The following MYCBP2 variants were observed in gnomAD, a reference collection of about 807,000 sequenced individuals.
MYCBP2 encodes the protein MYC binding protein 2.
In MYCBP2, 120 loss-of-function variants were observed where a neutral mutation model predicts 525.3. The observed-to-expected ratio is 0.23, with a 90% confidence interval of 0.20 to 0.27. MYCBP2 has a LOEUF of 0.27. MYCBP2 is among the 10% of genes least tolerant of loss of function. The probability of loss-of-function intolerance (pLI) is 1.00; values close to 1 mark genes in which losing one functional copy is unlikely to be tolerated. For missense variants in MYCBP2, 4,149 were observed against 5,657.1 expected, an observed-to-expected ratio of 0.73 and a Z score of 8.55; for synonymous variants, 1,894 against 1,955.8, an observed-to-expected ratio of 0.97 and a Z score of 0.83.
At chr13:77,115,547 GC>G (rs2049590988) in intron 55 of MYCBP2, among the ~76,000 whole-genome samples, 1 of 151,302 alleles carries the variant, frequency 6.6e-6, no homozygotes, top group African/African-American at 2.4e-5. Flanking sequence ...AAATAATTTT[GC>G]TAATTTAAAA....
intron 78 of MYCBP2, among the ~76,000 whole-genome samples, chr13:77,057,541 G>C (rs939134468): frequency 1.6e-4 from 25 of 152,246 alleles, no homozygotes; most frequent in African/African-American, 4.8e-4. Flanking sequence ...ATAGAAGTAT[G>C]TATCATTATG....
At chr13:77,158,986 G>C (rs182629212) in intron 44 of MYCBP2, among the ~76,000 whole-genome samples, 36 of 152,308 alleles carry the variant, frequency 2.4e-4, no homozygotes, top group Admixed American at 1.9e-3. Flanking sequence ...GGAGAGACTT[G>C]TTTTAAATGC....
intron 46 of MYCBP2, 40 bp downstream of exon 46, chr13:77,156,018 A>G (rs778939762): frequency 1.6e-5 from 25 of 1,562,784 alleles, no homozygotes; most frequent in Non-Finnish European, 2.1e-5. Context: ...CATTGCAGCC[A>G]GTATATAGAT....
At chr13:77,220,331 A>G (rs1268480935) in intron 20 of MYCBP2, among the ~76,000 whole-genome samples, 1 of 152,110 alleles carries the variant, frequency 6.6e-6, no homozygotes, top group African/African-American at 2.4e-5. Context: ...CAGAAGAAGA[A>G]AGTATCATCA....
Position 77,165,535 on chromosome 13 carries a change from C to T in MYCBP2, c.6341-144G>A, listed in dbSNP as rs1018328179. 6 of 593,732 alleles carry T rather than the reference C, an allele frequency of 1.0e-5. No individual in the cohort carries two copies. The Middle Eastern group carries it at 1.4e-3, about 134-fold the overall frequency. 36.8% of individuals were successfully genotyped at this position (593,732 alleles called of 1,614,324 possible). ...CTACATAACTTAAATAGACTTGCGGCGGGGAGCGTTCCTATATCTACTTGA... is the reference window on the plus strand; with the variant it reads ...CTACATAACTTAAATAGACTTGCGGTGGGGAGCGTTCCTATATCTACTTGA... On this transcript the variant is annotated intron_variant, in intron 41 of 82. Coordinates refer to ENST00000544440, the MANE Select transcript of MYCBP2 (RefSeq NM_015057.5).
chr13:77,209,372 T>G (rs541729244), intron 23 of MYCBP2, among the ~76,000 whole-genome samples: 2 of 152,338 alleles, frequency 1.3e-5, no homozygotes, highest in East Asian at 3.9e-4. Flanking sequence ...CACTGCCAAT[T>G]TTTATTTTTG....
chr13:77,135,029 A>G (rs975919472), intron 52 of MYCBP2, among the ~76,000 whole-genome samples: 3 of 152,186 alleles, frequency 2.0e-5, no homozygotes, highest in Non-Finnish European at 4.4e-5. Flanking sequence ...CAAACTTCCA[A>G]TCTCTGCCCC....
chr13:77,292,911 C>T lies in MYCBP2; in HGVS notation c.378+3688G>A, dbSNP rs139973023. ...GGTAGAAGCTGCAGTGAGCTGAGAT[C>T]GCACACCACTGCACTCCAGCCTGGG... On this transcript the variant is annotated intron_variant, in intron 2 of 82. Coordinates refer to ENST00000544440, the MANE Select transcript of MYCBP2 (RefSeq NM_015057.5). Among the ~76,000 whole-genome samples, 165 of 145,766 alleles carry T rather than the reference C, an allele frequency of 1.1e-3. 1 individual carries two copies. The highest frequency in any genetic ancestry group is 3.7e-3 in the African/African-American group (146 of 39,400).
At chr13:77,290,423 A>C (rs1416385718) in intron 2 of MYCBP2, among the ~76,000 whole-genome samples, 1 of 152,254 alleles carries the variant, frequency 6.6e-6, no homozygotes, top group East Asian at 1.9e-4. Flanking sequence ...AATGTTCGTA[A>C]TAGCATTCTT....
intron 46 of MYCBP2, among the ~76,000 whole-genome samples, chr13:77,155,220 A>G (rs956759940): frequency 2.0e-5 from 3 of 152,120 alleles, no homozygotes; most frequent in South Asian, 2.1e-4. Flanking sequence ...AAGATGCTAC[A>G]TTGGCATTGT....
At chr13:77,166,622 G>T in intron 40 of MYCBP2, 68 bp from the exon 41 acceptor site, 2 of 1,014,862 alleles carry the variant, frequency 2.0e-6, no homozygotes, top group Non-Finnish European at 2.9e-6. Context: ...ATCTGCATCT[G>T]TATGTGTGTG....
chr13:77,093,852 A>C (rs1386573499), intron 58 of MYCBP2, among the ~76,000 whole-genome samples: 1 of 152,154 alleles, frequency 6.6e-6, no homozygotes, highest in African/African-American at 2.4e-5. Context: ...AGATATATGA[A>C]ATTTTCTGTG....
chr13:77,091,012 C>T (rs1054780709), intron 59 of MYCBP2, among the ~76,000 whole-genome samples: 9 of 152,078 alleles, frequency 5.9e-5, no homozygotes, highest in Non-Finnish European at 1.0e-4. Context: ...CTATTCTTTT[C>T]GTGAGCTCCT....
At chr13:77,067,520 A>T in intron 71 of MYCBP2, 61 bp downstream of exon 71, 1 of 1,532,072 alleles carries the variant, frequency 6.5e-7, no homozygotes, top group Non-Finnish European at 8.9e-7. Flanking sequence ...TTATGTCTTA[A>T]ATTTCTGAAC....
chr13:77,104,605 GA>G (rs1294120767), intron 55 of MYCBP2, among the ~76,000 whole-genome samples: 1 of 152,114 alleles, frequency 6.6e-6, no homozygotes, highest in Non-Finnish European at 1.5e-5. Context: ...ATGTAGAAAG[GA>G]GACTAGAATT....
chr13:77,231,431 G>A (rs1477136104), intron 18 of MYCBP2, among the ~76,000 whole-genome samples: 1 of 152,070 alleles, frequency 6.6e-6, no homozygotes, highest in Non-Finnish European at 1.5e-5. Flanking sequence ...ATTTTTAGTA[G>A]AGATGAGGTT....
chr13:77,225,840 GA>G (rs1594097731), intron 18 of MYCBP2, among the ~76,000 whole-genome samples: 2 of 152,078 alleles, frequency 1.3e-5, no homozygotes, highest in African/African-American at 4.8e-5. Context: ...TTAAGTTATA[GA>G]AATAACAAAA....
At chr13:77,110,155 G>A (rs988778122) in intron 55 of MYCBP2, 1 of 152,234 alleles carries the variant, frequency 6.6e-6, no homozygotes, top group African/African-American at 2.4e-5. Context: ...TCTTCTTACA[G>A]AGAGCCTATA....
intron 26 of MYCBP2, among the ~76,000 whole-genome samples, chr13:77,201,778 T>A (rs2062607484): frequency 6.6e-6 from 1 of 152,062 alleles, no homozygotes; most frequent in Non-Finnish European, 1.5e-5. Context: ...CTGAACAACC[T>A]GCTCCTGAAT....
Sources: allele counts gnomAD v4.1 joint callset (sites outside exome capture counted in the v4.1 genomes callset), GRCh38; gene constraint gnomAD v4.1.1; transcripts MANE v1.5; gene names NCBI Gene and HGNC (gene_info 2026-07-23, HGNC 2026-07-21).